Variants in CPXM2 observed in about 807,000 individuals in gnomAD.
The protein encoded by CPXM2 is carboxypeptidase X, M14 family member 2.
Under a neutral mutation model 86.1 loss-of-function variants are expected in CPXM2, and 66 were observed. The ratio of observed to expected loss-of-function variants is 0.77; its 90% confidence interval spans 0.63 to 0.94. The LOEUF (loss-of-function observed/expected upper bound fraction) is 0.94, where lower values mean the gene tolerates loss of function less well. CPXM2 is among the 40% of genes least tolerant of loss of function. The pLI is 0.00. For synonymous variants in CPXM2, 388 were observed against 400.2 expected, an observed-to-expected ratio of 0.97 and a Z score of 0.36; for missense variants, 948 against 1,026.3, an observed-to-expected ratio of 0.92 and a Z score of 1.04.
rs1000512113 is a variant in CPXM2 at position 123,891,247 on chromosome 10, C to T, written c.304+109G>A. The T allele has an allele frequency of 6.3e-6, 6 of 954,684 alleles. No individual in the cohort carries two copies. The South Asian group carries it at 7.4e-5, about 12-fold the overall frequency. 59.1% of individuals were successfully genotyped at this position (954,684 alleles called of 1,614,324 possible). ...AGGCAGAGGCGGCAACAGGGAGATTCCCGGGACTGGCCCATCCCAGACACA... is the reference window on the plus strand; with the variant it reads ...AGGCAGAGGCGGCAACAGGGAGATTTCCGGGACTGGCCCATCCCAGACACA... On this transcript the variant is annotated intron_variant, in intron 1 of 13. Coordinates refer to ENST00000241305, the MANE Select transcript of CPXM2 (RefSeq NM_198148.3). The surrounding 1 kb of genome is among the most constrained non-coding windows in gnomAD (Gnocchi z 5.6).
chr10:123,750,154 T>C, intron 13 of CPXM2: 1 of 985,398 alleles, frequency 1.0e-6, no homozygotes, highest in Non-Finnish European at 1.2e-6. Context: ...CTATTCTTAC[T>C]AATTTTCAAG....
At chr10:123,793,462 CAAAAAAAAAAAAAAAAA>C (rs34757620) in intron 6 of CPXM2, among the ~76,000 whole-genome samples, 1 of 59,260 alleles carries the variant, frequency 1.7e-5, no homozygotes, top group Admixed American at 1.7e-4. Context: ...GACTCCGTCT[CAAAAAAAAAAAAAAAAA>C]AAAAAAAAAA....
chr10:123,829,213 G>A (rs912898216), intron 4 of CPXM2, among the ~76,000 whole-genome samples: 3 of 152,136 alleles, frequency 2.0e-5, no homozygotes, highest in African/African-American at 7.2e-5. Context: ...AAAAAATAGT[G>A]ATAAGATTAA....
At chr10:123,760,025 CA>C (rs954475954) in intron 11 of CPXM2, among the ~76,000 whole-genome samples, 1 of 152,120 alleles carries the variant, frequency 6.6e-6, no homozygotes, top group Admixed American at 6.5e-5. Flanking sequence ...ATCTACAATG[CA>C]ATGAATCTGC....
intron 2 of CPXM2, among the ~76,000 whole-genome samples, chr10:123,930,151 C>T (rs1015812519): frequency 1.5e-4 from 23 of 152,296 alleles, no homozygotes; most frequent in African/African-American, 5.3e-4. Flanking sequence ...CAGTGACACA[C>T]TTTGATAGCT....
upstream of CPXM2, among the ~76,000 whole-genome samples, chr10:123,893,057 A>C (rs1239341613): frequency 6.6e-6 from 1 of 152,228 alleles, no homozygotes; most frequent in Non-Finnish European, 1.5e-5. Flanking sequence ...TAGTCATCCT[A>C]TCTTGAGTGG....
chr10:123,852,495 G>T (rs910096873), intron 3 of CPXM2, among the ~76,000 whole-genome samples: 5 of 152,146 alleles, frequency 3.3e-5, no homozygotes, highest in Non-Finnish European at 5.9e-5. Context: ...ACAGGCCTCT[G>T]CTTCAATGCT....
chr10:123,772,748 C>A (rs1474847035), intron 7 of CPXM2, among the ~76,000 whole-genome samples: 1 of 149,500 alleles, frequency 6.7e-6, no homozygotes, highest in Non-Finnish European at 1.5e-5. Context: ...TATTGTGTCA[C>A]CACCTCCCTC....
chr10:123,831,559 A>G (rs1316263042), intron 4 of CPXM2, among the ~76,000 whole-genome samples: 2 of 152,130 alleles, frequency 1.3e-5, no homozygotes, highest in Non-Finnish European at 2.9e-5. Context: ...TTATTCTCTT[A>G]TGGTTCTGGC....
At chr10:123,936,065 C>G (rs61861979) in intron 2 of CPXM2, among the ~76,000 whole-genome samples, 1 of 96 alleles carries the variant, frequency 0.01, no homozygotes, top group Non-Finnish European at 0.024. Context: ...TCACCATCAT[C>G]ACCACTATCT....
In CPXM2 at chr10:123,762,077, C is replaced by G; in HGVS notation, c.1572G>C (p.Ala524=). Residue 524 remains alanine (A), a synonymous_variant, in exon 11 of 14, where the codon GCG becomes GCC. Coordinates refer to ENST00000241305, the MANE Select transcript of CPXM2 (RefSeq NM_198148.3). ...GNLQGGELVV[A]YPYDLVRSPW... is the part of the protein sequence containing the mutation. Reference sequence around the variant, plus strand: ...GGGACCGCACCAGGTCGTAGGGGTACGCCACCACCAGCTCGCCGCCCTGCA... The same window carrying G: ...GGGACCGCACCAGGTCGTAGGGGTAGGCCACCACCAGCTCGCCGCCCTGCA... 1.9e-6 allele frequency: 3 copies of G among 1,614,084 alleles called. No homozygotes were observed. The highest frequency in any genetic ancestry group is 1.7e-6 in the Non-Finnish European group (2 of 1,180,000).
At chr10:123,842,510 T>C (rs1848409076) in intron 3 of CPXM2, 22 bp from the exon 4 acceptor site, 4 of 1,611,398 alleles carry the variant, frequency 2.5e-6, no homozygotes, top group South Asian at 1.1e-5. Flanking sequence ...GAAAGCGGTG[T>C]TCTTCAAAAA....
At chr10:123,869,024 G>A (rs28568391) in intron 2 of CPXM2, among the ~76,000 whole-genome samples, 62,539 of 151,886 alleles carry the variant, frequency 0.41, 13,133 homozygotes, top group Non-Finnish European at 0.45. Flanking sequence ...CAAGAAAGAC[G>A]GGAGTGTTGC....
intron 2 of CPXM2, among the ~76,000 whole-genome samples, chr10:123,936,241 C>A (rs1276063709): frequency 1.3e-5 from 2 of 152,190 alleles, no homozygotes; most frequent in Non-Finnish European, 2.9e-5. Flanking sequence ...GGCTCAGAGA[C>A]TGTAAACCTT....
chr10:123,761,663 C>T (rs1188757317), intron 11 of CPXM2, among the ~76,000 whole-genome samples: 2 of 152,162 alleles, frequency 1.3e-5, no homozygotes, highest in Non-Finnish European at 2.9e-5. Context: ...CAGTTACCTC[C>T]TTTGAGCACT....
chr10:123,849,234 T>G (rs1848552628), intron 3 of CPXM2, among the ~76,000 whole-genome samples: 1 of 152,166 alleles, frequency 6.6e-6, no homozygotes, highest in South Asian at 2.1e-4. Context: ...AAAATGCTAA[T>G]GAGCTGTACC....
At chr10:123,925,203 CTG>C (rs1459851246) in intron 2 of CPXM2, among the ~76,000 whole-genome samples, 2 of 152,180 alleles carry the variant, frequency 1.3e-5, no homozygotes, top group Non-Finnish European at 2.9e-5. Flanking sequence ...AGATTTTCCA[CTG>C]TTTTACATGT....
At chr10:123,929,637 C>T (rs1392561895) in intron 2 of CPXM2, among the ~76,000 whole-genome samples, 1 of 152,050 alleles carries the variant, frequency 6.6e-6, no homozygotes, top group Non-Finnish European at 1.5e-5. Context: ...CTGCTTCTCC[C>T]CACCCACCCT....
At chr10:123,903,318 T>G (rs1339038131) in intron 2 of CPXM2, among the ~76,000 whole-genome samples, 3 of 152,230 alleles carry the variant, frequency 2.0e-5, no homozygotes, top group Non-Finnish European at 4.4e-5. Flanking sequence ...AAATGCTGGT[T>G]GGAGTTGGAT....
Sources: allele counts gnomAD v4.1 joint callset (sites outside exome capture counted in the v4.1 genomes callset), GRCh38; gene constraint gnomAD v4.1.1; non-coding constraint Gnocchi (gnomAD v3.1); transcripts MANE v1.5; gene names NCBI Gene and HGNC (gene_info 2026-07-23, HGNC 2026-07-21).